The following DOCK3 variants were observed in gnomAD, a reference collection of about 807,000 sequenced individuals.
DOCK3 encodes the protein dedicator of cytokinesis protein 3.
A neutral mutation model predicts 265.6 loss-of-function variants in DOCK3; 60 were observed. The ratio of observed to expected loss-of-function variants is 0.23; its 90% CI spans 0.18 to 0.28. The LOEUF is 0.28. Among genes scored for constraint, DOCK3 ranks in the 10% least tolerant of loss-of-function variants. The probability of loss-of-function intolerance (pLI) is 1.00; values close to 1 mark genes in which losing one functional copy is unlikely to be tolerated. For synonymous variants in DOCK3, 881 were observed against 938.0 expected, an observed-to-expected ratio of 0.94 and a Z score of 1.11; for missense variants, 1,981 against 2,594.3, an observed-to-expected ratio of 0.76 and a Z score of 5.14.
chr3:50,781,386 C>T (rs1013615934), intron 2 of DOCK3, among the ~76,000 whole-genome samples: 1 of 151,020 alleles, frequency 6.6e-6, no homozygotes, highest in East Asian at 1.9e-4. Flanking sequence ...CCACCTCAGC[C>T]TCCTGAGTGG....
intron 5 of DOCK3, among the ~76,000 whole-genome samples, chr3:50,938,171 A>G (rs1349657481): frequency 6.6e-6 from 1 of 152,140 alleles, no homozygotes; most frequent in Non-Finnish European, 1.5e-5. Context: ...TATCAGAGCA[A>G]AGAAAACTAC....
intron 5 of DOCK3, among the ~76,000 whole-genome samples, chr3:51,005,604 C>A (rs974067438): frequency 6.6e-6 from 1 of 152,132 alleles, no homozygotes; most frequent in Non-Finnish European, 1.5e-5. Context: ...ATGGTTTAGG[C>A]AAAAGACATC....
intron 9 of DOCK3, among the ~76,000 whole-genome samples, chr3:51,145,547 C>T (rs946423283): frequency 1.3e-5 from 2 of 152,160 alleles, no homozygotes; most frequent in African/African-American, 4.8e-5. Flanking sequence ...GCTTTGAATG[C>T]AGCCCAACAC....
At chr3:51,097,233 C>T (rs2082894086) in intron 9 of DOCK3, among the ~76,000 whole-genome samples, 1 of 152,156 alleles carries the variant, frequency 6.6e-6, no homozygotes, top group Admixed American at 6.5e-5. Context: ...GGTGCTCTGT[C>T]CCAGGGAGAT....
intron 27 of DOCK3, among the ~76,000 whole-genome samples, chr3:51,281,680 C>G (rs2109009357): frequency 6.6e-6 from 1 of 152,228 alleles, no homozygotes; most frequent in Non-Finnish European, 1.5e-5. Flanking sequence ...ATAGAGACTC[C>G]TGGATGATAG....
At chr3:50,865,025 A>G (rs2675821) in intron 3 of DOCK3, among the ~76,000 whole-genome samples, 15,050 of 151,636 alleles carry the variant, frequency 0.099, 922 homozygotes, top group Non-Finnish European at 0.13. Context: ...TGGGGGGTAC[A>G]TAGTAGATTT....
chr3:50,915,104 T>A (rs1244019380), intron 4 of DOCK3, among the ~76,000 whole-genome samples: 1 of 152,010 alleles, frequency 6.6e-6, no homozygotes, highest in East Asian at 1.9e-4. Context: ...GAGTGCCAGG[T>A]TTTAGTTGTA....
intron 1 of DOCK3, among the ~76,000 whole-genome samples, chr3:50,767,394 GT>G (rs2040964148): frequency 6.6e-6 from 1 of 152,104 alleles, no homozygotes; most frequent in South Asian, 2.1e-4. Flanking sequence ...CCCATTGCTT[GT>G]TTTTGTTAGG....
chr3:51,147,508 A>T (rs1313059375), intron 10 of DOCK3, among the ~76,000 whole-genome samples: 1 of 152,076 alleles, frequency 6.6e-6, no homozygotes, highest in Non-Finnish European at 1.5e-5. Context: ...ACACCACAAC[A>T]GGCCCCCATG....
At chr3:51,085,325 T>C (rs2082381423) in intron 7 of DOCK3, among the ~76,000 whole-genome samples, 1 of 152,190 alleles carries the variant, frequency 6.6e-6, no homozygotes, top group African/African-American at 2.4e-5. Context: ...CAAATGTACT[T>C]AACAGACATT....
intron 6 of DOCK3, among the ~76,000 whole-genome samples, chr3:51,066,758 T>C (rs926782681): frequency 6.6e-6 from 1 of 152,192 alleles, no homozygotes; most frequent in Non-Finnish European, 1.5e-5. Flanking sequence ...TGTTCATCAG[T>C]AGAAAAGAGG....
At chr3:51,241,296 G>A (rs1265813741) in intron 21 of DOCK3, among the ~76,000 whole-genome samples, 1 of 152,276 alleles carries the variant, frequency 6.6e-6, no homozygotes, top group African/African-American at 2.4e-5. Context: ...TCCACTTTTA[G>A]TCTCATGAGC....
At chr3:50,978,349 T>G (rs1478662182) in intron 5 of DOCK3, among the ~76,000 whole-genome samples, 1 of 151,990 alleles carries the variant, frequency 6.6e-6, no homozygotes, top group Non-Finnish European at 1.5e-5. Flanking sequence ...TGTTTGTTAG[T>G]TTTCCTTCTA....
chr3:51,296,932 A>G (rs1408657513), intron 27 of DOCK3, among the ~76,000 whole-genome samples: 1 of 151,774 alleles, frequency 6.6e-6, no homozygotes. Context: ...CACCCTGGCC[A>G]ACATGGGGAA....
intron 21 of DOCK3, among the ~76,000 whole-genome samples, chr3:51,241,040 T>G (rs959646633): frequency 6.6e-6 from 1 of 152,218 alleles, no homozygotes; most frequent in African/African-American, 2.4e-5. Context: ...TGTGTACTTG[T>G]GTGTTTTTGT....
rs1416600831 is a variant in DOCK3, at chr3:51,160,626, G to A, written c.961G>A (p.Val321Ile). Residue 321 changes from valine (V) to isoleucine (I), a missense_variant, in exon 12 of 53, where the codon GTC becomes ATC. Coordinates refer to ENST00000266037, the MANE Select transcript of DOCK3 (RefSeq NM_004947.5). Reference protein sequence around the residue: ...LHYRRPYGCAVLSILDVLQSL... With the variant: ...LHYRRPYGCAILSILDVLQSL... Reference sequence around the variant, plus strand: ...CTACAGGCGACCATATGGCTGTGCGGTCCTAAGCATCTTGGATGTCCTACA... The same window carrying A: ...CTACAGGCGACCATATGGCTGTGCGATCCTAAGCATCTTGGATGTCCTACA... 1 of 1,613,178 alleles carries A rather than the reference G, an allele frequency of 6.2e-7. No individual in the cohort carries two copies.
chr3:50,989,863 T>A (rs1388970446), intron 5 of DOCK3, among the ~76,000 whole-genome samples: 1 of 151,744 alleles, frequency 6.6e-6, no homozygotes, highest in Non-Finnish European at 1.5e-5. Context: ...TAATTGAGAG[T>A]CAGGAGGATG....
intron 50 of DOCK3, 106 bp from the exon 51 acceptor site, chr3:51,375,642 T>C: frequency 7.7e-7 from 1 of 1,297,120 alleles, no homozygotes. Flanking sequence ...TGCTTTGTTT[T>C]CCCCGTCTGA....
At chr3:51,181,917 C>G (rs915853884) in intron 12 of DOCK3, among the ~76,000 whole-genome samples, 1 of 152,208 alleles carries the variant, frequency 6.6e-6, no homozygotes, top group African/African-American at 2.4e-5. Flanking sequence ...CCATTTCTAA[C>G]AAGTTCACTG....
Sources: allele counts gnomAD v4.1 joint callset (sites outside exome capture counted in the v4.1 genomes callset), GRCh38; gene constraint gnomAD v4.1.1; transcripts MANE v1.5; gene names NCBI Gene and HGNC (gene_info 2026-07-23, HGNC 2026-07-21).